The following CCDC158 variants were observed in gnomAD, a reference collection of about 807,000 sequenced individuals.
CCDC158 encodes coiled-coil domain-containing protein 158.
A neutral mutation model predicts 138.6 loss-of-function variants in CCDC158; 116 were observed. The ratio of observed to expected loss-of-function variants is 0.84; its 90% CI spans 0.72 to 0.98. The LOEUF is 0.98. CCDC158 is among the 50% of genes least tolerant of loss of function. The pLI is 0.00. For synonymous variants in CCDC158, 436 were observed against 442.4 expected (o/e 0.99, Z 0.18); for missense variants, 1,265 against 1,306.1 (o/e 0.97, Z 0.48).
intron 23 of CCDC158, 73 bp from the exon 24 acceptor site, chr4:76,323,482 G>A: frequency 8.5e-7 from 1 of 1,174,334 alleles, no homozygotes; most frequent in South Asian, 1.6e-5. Flanking sequence ...TTGAATTAAA[G>A]GCTAAACAAT....
intron 8 of CCDC158, among the ~76,000 whole-genome samples, chr4:76,380,223 A>C (rs937771206): frequency 6.1e-5 from 5 of 82,614 alleles, no homozygotes; most frequent in Non-Finnish European, 1.3e-4. Context: ...AGGTTGGAAC[A>C]GTTTGGAGGG....
chr4:76,390,605 A>T (rs141664966), intron 4 of CCDC158, among the ~76,000 whole-genome samples: 27 of 152,172 alleles, frequency 1.8e-4, no homozygotes, highest in Admixed American at 4.6e-4. Context: ...CAAATAACAA[A>T]AATGGCAGGA....
intron 8 of CCDC158, among the ~76,000 whole-genome samples, 166 bp downstream of exon 8, chr4:76,382,444 A>T (rs561589952): frequency 0.016 from 2,398 of 148,484 alleles, 65 homozygotes; most frequent in African/African-American, 0.06. Flanking sequence ...GTCAGATAAC[A>T]GTACCTATGT....
chr4:76,357,991 GCACACACA>G lies in CCDC158; in HGVS notation c.2021-473_2021-466del, dbSNP rs3041129. 5.0e-3 allele frequency among the ~76,000 whole-genome samples: 743 copies of G among 148,774 alleles called. 6 individuals are homozygous for G. The highest frequency in any genetic ancestry group is 0.017 in the African/African-American group (694 of 39,760). ...GATATACTACAATACACACATGTGT[GCACACACA>G]CACACACACACATATTTATTTATAT... On this transcript the variant is annotated intron_variant, in intron 13 of 24. Transcript: ENST00000682701.
At chr4:76,379,736 T>C (rs1006580497) in intron 8 of CCDC158, among the ~76,000 whole-genome samples, 3 of 115,140 alleles carry the variant, frequency 2.6e-5, no homozygotes, top group African/African-American at 9.7e-5. Flanking sequence ...TATATATTCA[T>C]ATATATTACA....
intron 3 of CCDC158, among the ~76,000 whole-genome samples, chr4:76,399,256 C>T (rs1728114996): frequency 6.6e-6 from 1 of 152,026 alleles, no homozygotes; most frequent in African/African-American, 2.4e-5. Context: ...TCTACAACTT[C>T]AGAAAATTTC....
intron 14 of CCDC158, 30 bp downstream of exon 14, chr4:76,357,344 A>G (rs763165086): frequency 2.3e-5 from 33 of 1,450,832 alleles, no homozygotes; most frequent in East Asian, 1.7e-4. Context: ...TAAAAACAGA[A>G]GAAAAAATTT....
At position 76,326,035 on chromosome 4, in the gene CCDC158, A is replaced by G. The variant is rs751435348; in HGVS notation, c.3011-20T>C. On this transcript the variant is annotated intron_variant, in intron 22 of 24. Coordinates refer to ENST00000682701, the MANE Select transcript of CCDC158 (RefSeq NM_001394954.1). ...GACTTGCTAAAAGTTTGCAAGAATA[A>G]AAGTAAAAGGACAGAATTAATTAAA... 44 of 1,598,690 alleles carry G rather than the reference A, an allele frequency of 2.8e-5. No individual in the cohort carries two copies. The highest frequency in any genetic ancestry group is 3.5e-5 in the Non-Finnish European group (41 of 1,172,298).
At chr4:76,339,778 T>C (rs1721882056) in intron 18 of CCDC158, among the ~76,000 whole-genome samples, 1 of 152,232 alleles carries the variant, frequency 6.6e-6, no homozygotes, top group South Asian at 2.1e-4. Flanking sequence ...CATAGAGAGA[T>C]GCTGGCTAGC....
chr4:76,328,466 T>C (rs903741291), intron 22 of CCDC158, among the ~76,000 whole-genome samples: 1 of 152,232 alleles, frequency 6.6e-6, no homozygotes, highest in African/African-American at 2.4e-5. Context: ...AATTTACTTT[T>C]AGAGACAGGG....
At chr4:76,326,112 C>A in intron 22 of CCDC158, 97 bp from the exon 23 acceptor site, 1 of 995,788 alleles carries the variant, frequency 1.0e-6, no homozygotes, top group Non-Finnish European at 1.5e-6. Context: ...AAAATGTTCC[C>A]AATGGTGGAG....
intron 9 of CCDC158, chr4:76,375,628 G>T: frequency 1.4e-6 from 1 of 702,932 alleles, no homozygotes; most frequent in South Asian, 1.5e-5. Flanking sequence ...AAAGTTAAGG[G>T]TAAAGCCAAA....
chr4:76,356,036 G>C (rs563458189), intron 14 of CCDC158, among the ~76,000 whole-genome samples: 1 of 152,116 alleles, frequency 6.6e-6, no homozygotes, highest in South Asian at 2.1e-4. Context: ...CAAACTGCCA[G>C]CATAAGCATA....
At chr4:76,371,841 G>A (rs546710704) in intron 9 of CCDC158, among the ~76,000 whole-genome samples, 7 of 151,130 alleles carry the variant, frequency 4.6e-5, no homozygotes, top group Non-Finnish European at 8.8e-5. Context: ...GGGAGGCTGA[G>A]ACAAGAGAAT....
At chr4:76,394,229 A>G (rs1041490178) in intron 4 of CCDC158, among the ~76,000 whole-genome samples, 8 of 152,170 alleles carry the variant, frequency 5.3e-5, no homozygotes, top group Admixed American at 2.0e-4. Context: ...GAAGCAACCT[A>G]AGTGTCTATC....
Position 76,367,109 on chromosome 4 carries a change from C to G in CCDC158, c.1830+185G>C, listed in dbSNP as rs143705984. On this transcript the variant is annotated intron_variant, in intron 12 of 24. Transcript: ENST00000682701. ...GATTTTGAGCCATTTTCGAGTCATC[C>G]ATTCCTTCTATAATCTGATAAAAGT... Among the ~76,000 whole-genome samples the G allele has an allele frequency of 2.8e-3, 420 of 150,594 alleles. 2 individuals are homozygous for G. Among genetic ancestry groups the G allele is most frequent in the African/African-American group, 9.3e-3 (381 of 41,072 alleles).
intron 21 of CCDC158, among the ~76,000 whole-genome samples, chr4:76,330,154 C>T (rs1159726754): frequency 6.6e-6 from 1 of 152,068 alleles, no homozygotes; most frequent in Non-Finnish European, 1.5e-5. Context: ...TAGGACTGGG[C>T]TCCATCCCCA....
chr4:76,418,544 T>C (rs896272081), intron 1 of CCDC158, among the ~76,000 whole-genome samples: 1 of 152,162 alleles, frequency 6.6e-6, no homozygotes, highest in African/African-American at 2.4e-5. Context: ...AGAGGTTTAA[T>C]GGACTCACAG....
At chr4:76,345,122 C>T in intron 18 of CCDC158, 4 of 1,134,144 alleles carry the variant, frequency 3.5e-6, no homozygotes, top group Admixed American at 3.4e-5. Flanking sequence ...ACACTGCAGC[C>T]TGCTTACATT....
Sources: gnomAD v4.1 joint callset for allele counts (sites outside exome capture counted in the v4.1 genomes callset) on GRCh38, gnomAD v4.1.1 for gene constraint, MANE v1.5 for transcripts, NCBI Gene and HGNC (gene_info 2026-07-23, HGNC 2026-07-21) for gene names.